The following VTI1A variants were observed in gnomAD, a reference collection of about 807,000 sequenced individuals.
The protein encoded by VTI1A is vesicle transport through interaction with t-SNAREs 1A.
A neutral mutation model predicts 34.9 loss-of-function variants in VTI1A; 22 were observed. The observed-to-expected ratio is 0.63, with a 90% CI of 0.45 to 0.90. VTI1A has a LOEUF of 0.90. Ranked by LOEUF, VTI1A falls within the 40% of genes least tolerant of loss-of-function variation. The probability of loss-of-function intolerance (pLI) is 0.00; values close to 1 mark genes in which losing one functional copy is unlikely to be tolerated. For missense variants in VTI1A, 268 were observed against 275.6 expected, an observed-to-expected ratio of 0.97 and a Z score of 0.20; for synonymous variants, 87 against 97.3, an observed-to-expected ratio of 0.89 and a Z score of 0.62.
intron 5 of VTI1A, among the ~76,000 whole-genome samples, chr10:112,578,087 G>C (rs1330417439): frequency 1.3e-5 from 2 of 152,198 alleles, no homozygotes; most frequent in African/African-American, 4.8e-5. Flanking sequence ...AAGTGACCTG[G>C]TGATAACGAT....
Position 112,696,730 on chromosome 10 carries a change from A to G in VTI1A, c.560+27732A>G, listed in dbSNP as rs182923975. Among the ~76,000 whole-genome samples the G allele has an allele frequency of 5.3e-3, 804 of 152,254 alleles. 8 individuals carry two copies. The highest frequency in any genetic ancestry group is 5.3e-3 in the Non-Finnish European group (363 of 68,006). On this transcript the variant is annotated intron_variant, in intron 7 of 7. Transcript: ENST00000393077. The stretch of plus-strand genomic sequence containing the variant: ...AATCACCATCACTTTGTCAGTGTGC[A>G]CTCTGGAATTTGTTTAAGCAAAGAG...
intron 7 of VTI1A, among the ~76,000 whole-genome samples, chr10:112,748,271 T>C (rs189286082): frequency 1.3e-5 from 2 of 152,134 alleles, no homozygotes; most frequent in Non-Finnish European, 2.9e-5. Context: ...TGGGGTTGCA[T>C]TTGGAAATTG....
chr10:112,746,463 C>A (rs1850901109), intron 7 of VTI1A, among the ~76,000 whole-genome samples: 1 of 152,162 alleles, frequency 6.6e-6, no homozygotes, highest in Non-Finnish European at 1.5e-5. Context: ...TGTGTGCAGC[C>A]CACCGCTGTA....
Position 112,752,149 on chromosome 10 carries a change from G to A in VTI1A, c.561-63141G>A, listed in dbSNP as rs116960332. 3.5e-4 allele frequency among the ~76,000 whole-genome samples: 53 copies of A among 152,294 alleles called. 1 individual carries two copies. The East Asian group carries it at 6.6e-3, about 19-fold the overall frequency. ...CACAGGTAATGTAAAACTATAAGCT[G>A]AAAACAGGTATAGAAAAAACACGAG... On this transcript the variant is annotated intron_variant, in intron 7 of 7. Coordinates refer to ENST00000393077, the MANE Select transcript of VTI1A (RefSeq NM_145206.4).
intron 5 of VTI1A, among the ~76,000 whole-genome samples, chr10:112,586,029 T>C (rs976242421): frequency 2.0e-5 from 3 of 152,040 alleles, no homozygotes; most frequent in Non-Finnish European, 4.4e-5. Flanking sequence ...AACCACATAA[T>C]TACGTCGATT....
intron 3 of VTI1A, among the ~76,000 whole-genome samples, chr10:112,511,799 A>T (rs149779345): frequency 6.6e-6 from 1 of 152,166 alleles, no homozygotes; most frequent in Non-Finnish European, 1.5e-5. Context: ...GTTCCCACAT[A>T]TAAGTGAGAA....
At chr10:112,774,021 A>G (rs558258398) in intron 7 of VTI1A, among the ~76,000 whole-genome samples, 1 of 152,310 alleles carries the variant, frequency 6.6e-6, no homozygotes, top group Admixed American at 6.5e-5. Flanking sequence ...GAAGACAGCT[A>G]GGGGTCAGAG....
At chr10:112,495,138 A>G (rs1032951124) in intron 3 of VTI1A, among the ~76,000 whole-genome samples, 8 of 151,750 alleles carry the variant, frequency 5.3e-5, no homozygotes, top group African/African-American at 9.7e-5. Flanking sequence ...AATTAGGTCA[A>G]TAATAGGAAT....
chr10:112,505,363 C>T (rs1292323481), intron 3 of VTI1A, among the ~76,000 whole-genome samples: 1 of 152,064 alleles, frequency 6.6e-6, no homozygotes, highest in East Asian at 1.9e-4. Context: ...ATTAAATTCA[C>T]TTATTGTTTG....
intron 3 of VTI1A, among the ~76,000 whole-genome samples, chr10:112,502,799 C>G (rs1324794056): frequency 6.6e-6 from 1 of 152,108 alleles, no homozygotes; most frequent in Non-Finnish European, 1.5e-5. Flanking sequence ...CCTATATAAC[C>G]CTGTGTGCTT....
At chr10:112,658,340 G>A (rs1847313478) in intron 5 of VTI1A, among the ~76,000 whole-genome samples, 1 of 152,066 alleles carries the variant, frequency 6.6e-6, no homozygotes, top group Non-Finnish European at 1.5e-5. Context: ...TCCCAGCTGA[G>A]CCTCCCAAAG....
chr10:112,636,781 GT>G (rs1846370758), intron 5 of VTI1A, among the ~76,000 whole-genome samples: 1 of 150,960 alleles, frequency 6.6e-6, no homozygotes, highest in Admixed American at 6.6e-5. Context: ...TTGTTCTTTG[GT>G]GTATTACTAG....
chr10:112,674,594 A>T (rs1398021901), intron 7 of VTI1A, among the ~76,000 whole-genome samples: 1 of 152,182 alleles, frequency 6.6e-6, no homozygotes, highest in Admixed American at 6.5e-5. Flanking sequence ...CTTATCTGTC[A>T]ATGATAACTC....
At chr10:112,550,667 G>T (rs942099543) in intron 5 of VTI1A, among the ~76,000 whole-genome samples, 4 of 152,038 alleles carry the variant, frequency 2.6e-5, no homozygotes, top group Non-Finnish European at 5.9e-5. Flanking sequence ...AGACTGTCAT[G>T]GTGGGTCATC....
At chr10:112,804,839 G>A (rs530886263) in intron 7 of VTI1A, among the ~76,000 whole-genome samples, 128 of 146,790 alleles carry the variant, frequency 8.7e-4, no homozygotes, top group African/African-American at 3.0e-3. Flanking sequence ...GGCCGCCCTA[G>A]GTAGATTATA....
intron 5 of VTI1A, among the ~76,000 whole-genome samples, chr10:112,623,217 T>C (rs1845794350): frequency 6.6e-6 from 1 of 152,172 alleles, no homozygotes; most frequent in East Asian, 1.9e-4. Flanking sequence ...TGTTTTGGGG[T>C]AACACTTTAT....
At position 112,692,606 on chromosome 10, in the gene VTI1A, C is replaced by G. The variant is rs557070000; in HGVS notation, c.560+23608C>G. On this transcript the variant is annotated intron_variant, in intron 7 of 7. Transcript: ENST00000393077. ...GGGGAGGGCATACCTACCTGCCTAA[C>G]ACCTATATTATTTTTCCTTTAAATT... Among the ~76,000 whole-genome samples the G allele has an allele frequency of 3.0e-4, 45 of 152,342 alleles. 1 individual carries two copies. In the South Asian group the frequency reaches 9.3e-3, roughly 32 times the overall value.
chr10:112,462,299 C>T (rs1251586159), intron 2 of VTI1A, among the ~76,000 whole-genome samples: 1 of 152,232 alleles, frequency 6.6e-6, no homozygotes, highest in African/African-American at 2.4e-5. Flanking sequence ...CTGCACTGGC[C>T]ACATAAATGT....
intron 7 of VTI1A, among the ~76,000 whole-genome samples, chr10:112,775,092 T>C (rs1201055067): frequency 7.9e-5 from 12 of 152,212 alleles, no homozygotes; most frequent in Admixed American, 2.6e-4. Flanking sequence ...GGTTGGGTCT[T>C]GTGACTCTGC....
Sources: allele counts gnomAD v4.1 joint callset (sites outside exome capture counted in the v4.1 genomes callset), GRCh38; gene constraint gnomAD v4.1.1; transcripts MANE v1.5; gene names NCBI Gene and HGNC (gene_info 2026-07-23, HGNC 2026-07-21).